Variants in WDFY3 observed in about 807,000 individuals in gnomAD.
WDFY3 encodes the protein WD repeat and FYVE domain containing 3, also known as WD repeat and FYVE domain-containing protein 3.
Under a neutral mutation model 409.6 loss-of-function variants are expected in WDFY3, and 66 were observed. The ratio of observed to expected loss-of-function variants is 0.16; its 90% CI spans 0.13 to 0.20. The LOEUF (loss-of-function observed/expected upper bound fraction) is 0.20, where lower values mean the gene tolerates loss of function less well. WDFY3 is among the 10% of genes least tolerant of loss of function. The pLI is 1.00. For synonymous variants in WDFY3, 1,521 were observed against 1,537.1 expected, an observed-to-expected ratio of 0.99 and a Z score of 0.25; for missense variants, 3,031 against 4,298.1, an observed-to-expected ratio of 0.71 and a Z score of 8.24.
intron 61 of WDFY3, among the ~76,000 whole-genome samples, chr4:84,689,101 C>T (rs1269493603): frequency 6.6e-6 from 1 of 152,142 alleles, no homozygotes; most frequent in Non-Finnish European, 1.5e-5. Context: ...GAGGTTGCCT[C>T]CTATTGTACA....
At chr4:84,927,881 C>T (rs1211552686) in intron 2 of WDFY3, among the ~76,000 whole-genome samples, 1 of 152,126 alleles carries the variant, frequency 6.6e-6, no homozygotes, top group African/African-American at 2.4e-5. Flanking sequence ...ACTAATATAC[C>T]CAGATAGCTG....
At chr4:84,803,650 G>A (rs1388119630) in intron 15 of WDFY3, among the ~76,000 whole-genome samples, 183 bp from the exon 16 acceptor site, 1 of 152,108 alleles carries the variant, frequency 6.6e-6, no homozygotes, top group Non-Finnish European at 1.5e-5. Context: ...GTGTGTGGGT[G>A]GGTGTGTGCA....
chr4:84,836,988 C>A lies in WDFY3; in HGVS notation c.517G>T (p.Ala173Ser). The change falls in exon 7 of 68, where the codon GCA becomes TCA. Residue 173 changes from alanine (A) to serine (S), a missense_variant. Ala to Ser is a moderately conservative substitution (Grantham distance 99). Transcript: ENST00000295888. ...TCTGCTAGAGGTAGCTCATTCTGTG[C>A]ACCTCCAACTGCCTCAGGCACATGT... ...LPHVPEAVGG[A>S]QNELPLAERR... 1 of 1,599,898 alleles carries A rather than the reference C, an allele frequency of 6.3e-7. No homozygotes were observed.
intron 2 of WDFY3, among the ~76,000 whole-genome samples, chr4:84,916,106 T>G (rs1768449584): frequency 6.6e-6 from 1 of 152,216 alleles, no homozygotes; most frequent in Admixed American, 6.5e-5. Flanking sequence ...CTATCTTTTT[T>G]GTGGACAAGC....
At position 84,688,200 on chromosome 4, in the gene WDFY3, G is replaced by A; in HGVS notation, c.9429C>T (p.Val3143=). 6.2e-7 allele frequency: 1 copy of A among 1,614,154 alleles called. No individual in the cohort carries two copies. The highest frequency in any genetic ancestry group is 8.5e-7 in the Non-Finnish European group (1 of 1,180,038). Residue 3143 remains valine (V), a synonymous_variant, in exon 62 of 68, where the codon GTC becomes GTT. Coordinates refer to ENST00000295888, the MANE Select transcript of WDFY3 (RefSeq NM_014991.6). The part of the protein sequence containing the change: ...ATASLAYHII[V]SGSRDRTCII... ...TACAGGTTCGATCACGGGACCCACT[G>A]ACAATTATGTGATAGGCTAATGATG...
In WDFY3 at chr4:84,812,114, G is replaced by T. The variant is rs562802194; in HGVS notation, c.1888-1770C>A. On this transcript the variant is annotated intron_variant, in intron 13 of 67. Transcript: ENST00000295888. ...CATATACTGTTTCAGAAGTTATGAA[G>T]ATTTCATTGTTCACACCTATTCCTT... Among the ~76,000 whole-genome samples, 7 of 152,192 alleles carry T rather than the reference G, an allele frequency of 4.6e-5. No homozygotes were observed. In the East Asian group the frequency reaches 1.2e-3, roughly 25 times the overall value.
chr4:84,736,061 T>C (rs373077757), intron 42 of WDFY3, 109 bp downstream of exon 42: 3 of 1,283,388 alleles, frequency 2.3e-6, no homozygotes, highest in Non-Finnish European at 2.1e-6. Flanking sequence ...CTATCTCTAT[T>C]CTAAAGCAAA....
At chr4:84,952,059 T>C (rs953606549) in intron 1 of WDFY3, among the ~76,000 whole-genome samples, 8 of 152,080 alleles carry the variant, frequency 5.3e-5, no homozygotes, top group African/African-American at 1.9e-4. Flanking sequence ...TACTATTACC[T>C]CAGAAAAGCA....
chr4:84,907,278 G>C lies in WDFY3; in HGVS notation c.-131-10268C>G, dbSNP rs191151128. Among the ~76,000 whole-genome samples the C allele has an allele frequency of 3.3e-5, 5 of 152,192 alleles. No homozygotes were observed. The East Asian group carries it at 9.7e-4, about 30-fold the overall frequency. ...GTTACACTTAGCAACACGTTTCTAA[G>C]GAACAGAATATGGAGGAAGTGACTA... is the stretch of plus-strand genomic sequence containing the variant. On this transcript the variant is annotated intron_variant, in intron 2 of 67. Transcript: ENST00000295888.
At chr4:84,678,328 A>G in intron 65 of WDFY3, 49 bp from the exon 66 acceptor site, 1 of 1,371,502 alleles carries the variant, frequency 7.3e-7, no homozygotes, top group Non-Finnish European at 1.0e-6. Flanking sequence ...GAGAGAAGCC[A>G]ATACTGGGGA....
intron 4 of WDFY3, among the ~76,000 whole-genome samples, chr4:84,852,514 C>G (rs756676431): frequency 1.3e-5 from 2 of 152,174 alleles, no homozygotes; most frequent in Non-Finnish European, 2.9e-5. Flanking sequence ...TAACCTCCCT[C>G]AAATTAAGTT....
At chr4:84,840,567 C>G (rs939105498) in intron 6 of WDFY3, among the ~76,000 whole-genome samples, 4 of 151,944 alleles carry the variant, frequency 2.6e-5, no homozygotes, top group Non-Finnish European at 5.9e-5. Context: ...CCAGAATGCT[C>G]TACAAATGGT....
chr4:84,737,094 T>C (rs993548528), intron 41 of WDFY3, 90 bp downstream of exon 41: 1 of 1,378,918 alleles, frequency 7.3e-7, no homozygotes, highest in Non-Finnish European at 1.0e-6. Context: ...TAGAATCCTT[T>C]TGTGAATGCT....
rs778796873 is a variant in WDFY3 at position 84,669,980 on chromosome 4, CATAA to C, written c.*2884_*2887del. 97 of 152,702 alleles carry C rather than the reference CATAA, an allele frequency of 6.4e-4. No individual in the cohort carries two copies. The highest frequency in any genetic ancestry group is 2.0e-3 in the African/African-American group (85 of 41,552). 9.5% of individuals were successfully genotyped at this position (152,702 alleles called of 1,614,324 possible). On this transcript the variant is annotated 3_prime_UTR_variant, in exon 68 of 68. Transcript: ENST00000295888. ...TACTTTCTAAAAACAGTTTTAACGG[CATAA>C]ATATTTTATACACAGTTCATTTACC...
chr4:84,941,103 A>G (rs541930125), intron 1 of WDFY3, among the ~76,000 whole-genome samples: 23 of 152,176 alleles, frequency 1.5e-4, no homozygotes, highest in African/African-American at 5.3e-4. Context: ...TTTTTAACAT[A>G]TACTAGAAAT....
rs558681230 is a variant in WDFY3, at chr4:84,817,004, T to TTACA, written c.1887+384_1887+387dup. Among the ~76,000 whole-genome samples, 206 of 152,256 alleles carry TTACA rather than the reference T, an allele frequency of 1.4e-3. 1 individual carries two copies. Among genetic ancestry groups the TTACA allele is most frequent in the Non-Finnish European group, 2.5e-3 (168 of 67,998 alleles). On this transcript the variant is annotated intron_variant, in intron 13 of 67. Transcript: ENST00000295888. ...TGATATCTACTAGAATATCCATTAC[T>TTACA]TACATACATACATATATGCATGCAT... is the stretch of plus-strand genomic sequence containing the variant.
At chr4:84,821,968 T>C (rs1189136032) in intron 10 of WDFY3, among the ~76,000 whole-genome samples, 1 of 152,140 alleles carries the variant, frequency 6.6e-6, no homozygotes, top group Non-Finnish European at 1.5e-5. Flanking sequence ...GCAGCAATAA[T>C]GAAGCAGGAA....
At chr4:84,944,403 A>G (rs1772542399) in intron 1 of WDFY3, among the ~76,000 whole-genome samples, 1 of 152,160 alleles carries the variant, frequency 6.6e-6, no homozygotes, top group Admixed American at 6.5e-5. Context: ...ATGGTGGCGC[A>G]CACCTGTAGT....
chr4:84,682,359 GA>G lies in WDFY3; in HGVS notation c.9823+14del. On this transcript the variant is annotated intron_variant, in intron 64 of 67. Transcript: ENST00000295888. ...ATGAAAACGATTTGAGTCATTTTTA[GA>G]AAGTATTAAATACCTATTTGTGCTT... 6.2e-7 allele frequency: 1 copy of G among 1,604,138 alleles called. No individual in the cohort carries two copies. Among genetic ancestry groups the G allele is most frequent in the Non-Finnish European group, 8.5e-7 (1 of 1,173,902 alleles).
Sources: allele counts gnomAD v4.1 joint callset (sites outside exome capture counted in the v4.1 genomes callset), GRCh38; gene constraint gnomAD v4.1.1; transcripts MANE v1.5; gene names NCBI Gene and HGNC (gene_info 2026-07-23, HGNC 2026-07-21).